Variants in ZFHX3 observed in about 807,000 individuals in gnomAD.
ZFHX3 encodes zinc finger homeobox 3, also known as zinc finger homeobox protein 3.
A neutral mutation model predicts 279.1 loss-of-function variants in ZFHX3; 42 were observed. The ratio of observed to expected loss-of-function variants is 0.15; its 90% CI spans 0.12 to 0.19. ZFHX3 has a LOEUF of 0.19. Among genes scored for constraint, ZFHX3 ranks in the 10% least tolerant of loss-of-function variants. ZFHX3 has a pLI of 1.00. For missense variants in ZFHX3, 4,981 were observed against 4,754.0 expected, an observed-to-expected ratio of 1.05 and a Z score of -1.40; for synonymous variants, 2,293 against 1,957.8, an observed-to-expected ratio of 1.17 and a Z score of -4.52.
intron 1 of ZFHX3, chr16:72,973,547 AAAG>A (rs1428531293): frequency 6.6e-6 from 1 of 152,232 alleles, no homozygotes; most frequent in East Asian, 1.9e-4. Context: ...GGATATCCTT[AAAG>A]AAGCACAAGC....
At chr16:73,333,744 T>C (rs2015851446) in intron 3 of ZFHX3, among the ~76,000 whole-genome samples, 1 of 134,440 alleles carries the variant, frequency 7.4e-6, no homozygotes, top group South Asian at 2.4e-4. Flanking sequence ...ACAGAAACAC[T>C]GAGATTTGGC....
At chr16:73,769,337 G>C (rs2053990134) in intron 1 of ZFHX3, among the ~76,000 whole-genome samples, 1 of 152,172 alleles carries the variant, frequency 6.6e-6, no homozygotes, top group Non-Finnish European at 1.5e-5. Context: ...ACCCTTGCAA[G>C]CTGCTAGGCC....
intron 1 of ZFHX3, among the ~76,000 whole-genome samples, chr16:73,796,880 A>G (rs1241587448): frequency 1.3e-5 from 2 of 152,194 alleles, no homozygotes; most frequent in Non-Finnish European, 2.9e-5. Flanking sequence ...CTTGCACTGA[A>G]GAGCTTCCAG....
At chr16:73,032,308 C>T (rs1964734212) in intron 1 of ZFHX3, among the ~76,000 whole-genome samples, 1 of 152,032 alleles carries the variant, frequency 6.6e-6, no homozygotes, top group South Asian at 2.1e-4. Context: ...TCTCAAAAAA[C>T]ACAAACAAAA....
chr16:73,653,558 A>T (rs2052692149), intron 2 of ZFHX3, among the ~76,000 whole-genome samples: 1 of 152,228 alleles, frequency 6.6e-6, no homozygotes, highest in South Asian at 2.1e-4. Flanking sequence ...AATACACTAC[A>T]TATAAAAACT....
intron 3 of ZFHX3, among the ~76,000 whole-genome samples, chr16:72,897,767 A>G (rs919014054): frequency 1.3e-5 from 2 of 152,210 alleles, no homozygotes; most frequent in African/African-American, 4.8e-5. Flanking sequence ...TTTTCACATT[A>G]CAACCCCATG....
At chr16:73,046,830 T>C (rs1003236277) in intron 1 of ZFHX3, among the ~76,000 whole-genome samples, 3 of 150,294 alleles carry the variant, frequency 2.0e-5, no homozygotes, top group South Asian at 2.1e-4. Context: ...GGCAGAGCCA[T>C]CTGTTCTCTC....
upstream of ZFHX3, among the ~76,000 whole-genome samples, chr16:73,051,214 CT>C (rs1280301551): frequency 6.6e-6 from 1 of 152,182 alleles, no homozygotes; most frequent in Non-Finnish European, 1.5e-5. Flanking sequence ...ATTTTTAAAA[CT>C]AGTGCTTAAA....
rs2143309523 is a variant in ZFHX3, at chr16:72,788,700, A to C, written c.9576T>G (p.Pro3192=). The change falls in exon 10 of 10, where the codon CCT becomes CCG. Residue 3192 remains proline (P), a synonymous_variant. Transcript: ENST00000268489. ...GCTGCTGCTGCTGGGGGGGTTGCTG[A>C]GGGCCCATCGCCATCGTGGCTTGTG... ...TPAQATMAMG[P]QQPPQQQQQQ... is the part of the protein sequence containing the mutation. The C allele has an allele frequency of 6.2e-7, 1 of 1,611,954 alleles. No homozygotes were observed. The highest frequency in any genetic ancestry group is 8.5e-7 in the Non-Finnish European group (1 of 1,179,000).
At chr16:73,704,590 C>T (rs529748393) in intron 1 of ZFHX3, among the ~76,000 whole-genome samples, 147 of 152,244 alleles carry the variant, frequency 9.7e-4, no homozygotes, top group Non-Finnish European at 1.7e-3. Context: ...GTCATTTACC[C>T]TTAAGAGAAA....
chr16:73,672,460 A>G (rs985889958), intron 2 of ZFHX3, among the ~76,000 whole-genome samples: 2 of 152,182 alleles, frequency 1.3e-5, no homozygotes, highest in Non-Finnish European at 2.9e-5. Context: ...GCTCTCAAGA[A>G]CATTTCATGT....
chr16:73,256,901 C>G (rs2013675766), intron 5 of ZFHX3: 1 of 151,846 alleles, frequency 6.6e-6, no homozygotes, highest in African/African-American at 2.4e-5. Context: ...GATTATCATC[C>G]AAATGCATTA....
intron 2 of ZFHX3, among the ~76,000 whole-genome samples, chr16:73,500,459 C>A (rs1192546532): frequency 6.6e-6 from 1 of 151,972 alleles, no homozygotes; most frequent in African/African-American, 2.4e-5. Context: ...TCCTGAGTAG[C>A]TGGGACTACA....
chr16:73,866,108 T>A (rs1962012339), intron 1 of ZFHX3, among the ~76,000 whole-genome samples: 1 of 148,378 alleles, frequency 6.7e-6, no homozygotes. Flanking sequence ...GCTCAGGCAA[T>A]CCTCTCACCA....
Position 73,757,066 on chromosome 16 carries a change from A to G in ZFHX3, c.-1607-76826T>C, listed in dbSNP as rs575478782. Among the ~76,000 whole-genome samples, 345 of 152,280 alleles carry G rather than the reference A, an allele frequency of 2.3e-3. 1 individual carries two copies. Among genetic ancestry groups the G allele is most frequent in the Non-Finnish European group, 3.8e-3 (260 of 68,020 alleles). On this transcript the variant is annotated intron_variant, in intron 1 of 17. Coordinates refer to the ZFHX3 transcript ENST00000641206. Reference sequence around the variant, plus strand: ...AATGCAGGAACAAACGTGGGCTTACAGATGCTTCAGTGTCTCTTCTGAAGA... The same window carrying G: ...AATGCAGGAACAAACGTGGGCTTACGGATGCTTCAGTGTCTCTTCTGAAGA...
At chr16:73,262,691 T>C (rs36063769) in intron 4 of ZFHX3, among the ~76,000 whole-genome samples, 109,890 of 152,018 alleles carry the variant, frequency 0.72, 40,600 homozygotes, top group South Asian at 0.89. Context: ...CAGCTCCTCT[T>C]ATCAAGAAAA....
intron 3 of ZFHX3, among the ~76,000 whole-genome samples, chr16:73,370,405 G>A (rs1199664824): frequency 6.6e-6 from 1 of 152,168 alleles, no homozygotes; most frequent in African/African-American, 2.4e-5. Flanking sequence ...CATATGGGAG[G>A]CAGGTTTAAG....
chr16:72,796,620 T>C lies in ZFHX3; in HGVS notation c.6062A>G (p.Gln2021Arg). ...CAGTTTATCGTAGTGGTCTCTGTAC[T>C]GTTTGGCAAACCTCTCGAGCTGTTT... ...PFKQLERFAK[Q>R]YRDHYDKLYP... The change falls in exon 9 of 10, where the codon CAG becomes CGG. Residue 2021 changes from glutamine (Q) to arginine (R), a missense_variant. By Grantham distance (43) the Gln-to-Arg change is conservative. This residue lies in a region of ZFHX3 where 1,751 missense variants were observed against 1,770.0 expected (regional missense o/e 0.99). Coordinates refer to ENST00000268489, the MANE Select transcript of ZFHX3 (RefSeq NM_006885.4). 6.2e-7 allele frequency: 1 copy of C among 1,614,068 alleles called. No individual in the cohort carries two copies. The highest frequency in any genetic ancestry group is 8.5e-7 in the Non-Finnish European group (1 of 1,180,030).
intron 3 of ZFHX3, among the ~76,000 whole-genome samples, chr16:73,349,642 C>T (rs1208263989): frequency 2.8e-5 from 1 of 35,520 alleles, no homozygotes; most frequent in Admixed American, 2.4e-4. Flanking sequence ...CCCTCCCTCC[C>T]TCCCTCTCTC....
Sources: allele counts gnomAD v4.1 joint callset (sites outside exome capture counted in the v4.1 genomes callset), GRCh38; gene constraint gnomAD v4.1.1; regional missense constraint gnomAD v4.1.1; transcripts MANE v1.5; gene names NCBI Gene and HGNC (gene_info 2026-07-23, HGNC 2026-07-21).